The following MCTP1 variants were observed in gnomAD, a reference collection of about 807,000 sequenced individuals.
MCTP1 encodes multiple C2 and transmembrane domain containing 1, also known as multiple C2 and transmembrane domain-containing protein 1.
In MCTP1, 69 loss-of-function variants were observed where a neutral mutation model predicts 120.6. The observed-to-expected ratio is 0.57, with a 90% CI of 0.47 to 0.70. MCTP1 has a LOEUF of 0.70. MCTP1 is among the 30% of genes least tolerant of loss of function. MCTP1 has a pLI of 0.00. For missense variants in MCTP1, 1,203 were observed against 1,248.8 expected (o/e 0.96, Z 0.55); for synonymous variants, 529 against 493.1 (o/e 1.07, Z -0.96).
intron 1 of MCTP1, among the ~76,000 whole-genome samples, chr5:95,021,492 C>T (rs1294560705): frequency 6.6e-6 from 1 of 151,914 alleles, no homozygotes; most frequent in Non-Finnish European, 1.5e-5. Context: ...CTGTTGTATG[C>T]CCTTCAATAC....
At chr5:94,851,543 A>T (rs761292208) in intron 17 of MCTP1, among the ~76,000 whole-genome samples, 2 of 152,080 alleles carry the variant, frequency 1.3e-5, no homozygotes, top group Non-Finnish European at 2.9e-5. Context: ...TGTTCCACAC[A>T]TCCTTAATTT....
chr5:95,278,417 T>G (rs1281972263), intron 1 of MCTP1, among the ~76,000 whole-genome samples: 3 of 152,218 alleles, frequency 2.0e-5, no homozygotes, highest in African/African-American at 4.8e-5. Flanking sequence ...AAGCATGTCA[T>G]AAACAGGTAT....
intron 1 of MCTP1, among the ~76,000 whole-genome samples, chr5:95,140,505 T>C (rs1451640244): frequency 6.6e-6 from 1 of 151,982 alleles, no homozygotes; most frequent in Non-Finnish European, 1.5e-5. Flanking sequence ...TAAAAGCATA[T>C]TCTTTTCAGT....
intron 17 of MCTP1, among the ~76,000 whole-genome samples, chr5:94,842,417 G>C (rs946355946): frequency 1.3e-5 from 2 of 152,142 alleles, no homozygotes; most frequent in Non-Finnish European, 2.9e-5. Flanking sequence ...AAGCAAACAA[G>C]CTCTTCTTTA....
intron 3 of MCTP1, among the ~76,000 whole-genome samples, chr5:94,952,261 T>A (rs936530626): frequency 6.6e-6 from 1 of 151,652 alleles, no homozygotes; most frequent in Non-Finnish European, 1.5e-5. Context: ...GTGTGTCTAT[T>A]TGCCCCATAA....
intron 2 of MCTP1, among the ~76,000 whole-genome samples, chr5:95,005,861 A>G (rs1386107444): frequency 6.6e-6 from 1 of 152,146 alleles, no homozygotes; most frequent in African/African-American, 2.4e-5. Flanking sequence ...GATTAATAAA[A>G]CAAGTAAGAT....
At chr5:95,191,111 AT>A (rs1467264425) in intron 1 of MCTP1, among the ~76,000 whole-genome samples, 1 of 152,004 alleles carries the variant, frequency 6.6e-6, no homozygotes, top group Admixed American at 6.6e-5. Flanking sequence ...ATTGCTAACT[AT>A]TCTCTGTTTT....
chr5:95,016,521 C>T (rs1224642371), intron 2 of MCTP1, among the ~76,000 whole-genome samples: 1 of 151,940 alleles, frequency 6.6e-6, no homozygotes, highest in Non-Finnish European at 1.5e-5. Flanking sequence ...AGGAACAAAA[C>T]AGGATCCTAT....
At chr5:95,158,195 C>CT (rs1251701959) in intron 1 of MCTP1, among the ~76,000 whole-genome samples, 1 of 152,142 alleles carries the variant, frequency 6.6e-6, no homozygotes, top group Non-Finnish European at 1.5e-5. Context: ...CAATATCTTG[C>CT]TTTTTTTGTA....
chr5:94,739,223 A>G (rs941813026), intron 19 of MCTP1: 1 of 152,218 alleles, frequency 6.6e-6, no homozygotes, highest in African/African-American at 2.4e-5. Context: ...AAATACATCA[A>G]TTCTAAGTAG....
intron 1 of MCTP1, 81 bp downstream of exon 1, chr5:95,283,775 C>T (rs980720901): frequency 4.2e-6 from 5 of 1,178,420 alleles, no homozygotes; most frequent in African/African-American, 3.2e-5. Flanking sequence ...GCCCCCGCCC[C>T]CCGCTCCCCG....
At chr5:95,114,429 G>A (rs1411988697) in intron 1 of MCTP1, among the ~76,000 whole-genome samples, 1 of 152,180 alleles carries the variant, frequency 6.6e-6, no homozygotes, top group Non-Finnish European at 1.5e-5. Flanking sequence ...CCACTGCCCT[G>A]AAGGGTGAGT....
At chr5:94,911,190 A>C (rs1001896492) in intron 9 of MCTP1, among the ~76,000 whole-genome samples, 1 of 152,210 alleles carries the variant, frequency 6.6e-6, no homozygotes, top group Non-Finnish European at 1.5e-5. Flanking sequence ...AGATTATGAC[A>C]CTAAGGTGAA....
At chr5:94,738,875 T>TAC (rs1425976339) in intron 19 of MCTP1, among the ~76,000 whole-genome samples, 1 of 152,238 alleles carries the variant, frequency 6.6e-6, no homozygotes, top group African/African-American at 2.4e-5. Context: ...TGTCCACCAA[T>TAC]ACAGCATTTC....
intron 6 of MCTP1, among the ~76,000 whole-genome samples, chr5:94,927,905 TAA>T (rs900313953): frequency 4.6e-5 from 7 of 152,030 alleles, no homozygotes; most frequent in African/African-American, 1.7e-4. Flanking sequence ...AAAATTATGC[TAA>T]GTGGTTATAA....
intron 17 of MCTP1, among the ~76,000 whole-genome samples, chr5:94,803,315 G>A (rs1409121896): frequency 6.6e-6 from 1 of 152,128 alleles, no homozygotes; most frequent in Non-Finnish European, 1.5e-5. Context: ...TCATTATCCT[G>A]CATGTTAGAA....
chr5:95,079,023 A>G (rs752371668), intron 1 of MCTP1, among the ~76,000 whole-genome samples: 2 of 152,152 alleles, frequency 1.3e-5, no homozygotes, highest in African/African-American at 4.8e-5. Context: ...TGCCGCGAAT[A>G]AATACTACTA....
intron 1 of MCTP1, among the ~76,000 whole-genome samples, chr5:95,257,731 T>A (rs1220625115): frequency 6.7e-6 from 1 of 150,068 alleles, no homozygotes; most frequent in Non-Finnish European, 1.5e-5. Context: ...GAGCAGGAAA[T>A]ATATAAGAAG....
intron 1 of MCTP1, among the ~76,000 whole-genome samples, chr5:95,134,855 T>C (rs952722324): frequency 5.9e-5 from 9 of 152,034 alleles, no homozygotes; most frequent in Non-Finnish European, 1.2e-4. Flanking sequence ...ATAATCTTTC[T>C]TCTCAGTTTT....
Sources: allele counts gnomAD v4.1 joint callset (sites outside exome capture counted in the v4.1 genomes callset), GRCh38; gene constraint gnomAD v4.1.1; transcripts MANE v1.5; gene names NCBI Gene and HGNC (gene_info 2026-07-23, HGNC 2026-07-21).